The following TECPR2 variants were observed in gnomAD, a reference collection of about 807,000 sequenced individuals.
TECPR2 encodes tectonin beta-propeller repeat containing 2.
TECPR2 carries 65 observed loss-of-function variants against 138.1 expected under a neutral mutation model. The ratio of observed to expected loss-of-function variants is 0.47; its 90% CI spans 0.39 to 0.58. The LOEUF (loss-of-function observed/expected upper bound fraction) is 0.58. TECPR2 is among the 20% of genes least tolerant of loss of function. The pLI is 0.00. For synonymous variants in TECPR2, 746 were observed against 749.8 expected, an observed-to-expected ratio of 0.99 and a Z score of 0.08; for missense variants, 1,553 against 1,824.5, an observed-to-expected ratio of 0.85 and a Z score of 2.71.
At chr14:102,423,701 C>G (rs1889243111) in intron 5 of TECPR2, among the ~76,000 whole-genome samples, 1 of 152,178 alleles carries the variant, frequency 6.6e-6, no homozygotes, top group South Asian at 2.1e-4. Flanking sequence ...TCAAACATCC[C>G]TGTCACTAAG....
chr14:102,461,929 G>A (rs1397480591), intron 16 of TECPR2, among the ~76,000 whole-genome samples: 11 of 152,160 alleles, frequency 7.2e-5, no homozygotes, highest in African/African-American at 2.7e-4. Context: ...TCATCCAGGC[G>A]GCCTGGGTGA....
chr14:102,428,596 AC>A (rs1216086020), intron 7 of TECPR2, among the ~76,000 whole-genome samples: 8 of 151,910 alleles, frequency 5.3e-5, no homozygotes, highest in Admixed American at 5.2e-4. Context: ...CCCTGTCTCT[AC>A]CAAAAATACA....
intron 2 of TECPR2, among the ~76,000 whole-genome samples, chr14:102,387,523 A>C (rs1888041724): frequency 6.7e-6 from 1 of 149,840 alleles, no homozygotes; most frequent in African/African-American, 2.4e-5. Context: ...TTGCCTTCAG[A>C]GCTGTCTTTT....
intron 2 of TECPR2, among the ~76,000 whole-genome samples, chr14:102,406,163 G>A (rs1888653532): frequency 6.6e-6 from 1 of 152,178 alleles, no homozygotes; most frequent in Admixed American, 6.6e-5. Flanking sequence ...GATGATTGAA[G>A]AGCATTATGA....
intron 5 of TECPR2, among the ~76,000 whole-genome samples, chr14:102,416,309 C>G (rs982528157): frequency 6.6e-6 from 1 of 152,060 alleles, no homozygotes; most frequent in Non-Finnish European, 1.5e-5. Context: ...TTAGTAGAGA[C>G]AGGGTTTCAC....
chr14:102,431,567 C>T lies in TECPR2; in HGVS notation c.1085-229C>T, dbSNP rs568175951. 5.2e-3 allele frequency among the ~76,000 whole-genome samples: 798 copies of T among 152,246 alleles called. 3 individuals are homozygous for T. The highest frequency in any genetic ancestry group is 0.012 in the South Asian group (60 of 4,826). On this transcript the variant is annotated intron_variant, in intron 7 of 19. Transcript: ENST00000359520. ...CTGTGTTAGCCAGGATGGTCTTGAT[C>T]TCCTGACCTTGTGATCCGCCCGCCT...
chr14:102,495,823 CAGTT>C (rs1167272689), intron 17 of TECPR2, among the ~76,000 whole-genome samples: 1 of 152,214 alleles, frequency 6.6e-6, no homozygotes, highest in African/African-American at 2.4e-5. Context: ...CATCAGCCCA[CAGTT>C]AGGGGCCCCT....
At position 102,490,707 on chromosome 14, in the gene TECPR2, G is replaced by A. The variant is rs2139796638; in HGVS notation, c.3790-6272G>A. On this transcript the variant is annotated intron_variant, in intron 17 of 19. Coordinates refer to ENST00000359520, the MANE Select transcript of TECPR2 (RefSeq NM_014844.5). ...TTGCCAGTCCTTCAGCAGGCGCCATGGGCTCCTCCTCCAAACCTGTTCCAT... is the reference window on the plus strand; with the variant it reads ...TTGCCAGTCCTTCAGCAGGCGCCATAGGCTCCTCCTCCAAACCTGTTCCAT... Among the ~76,000 whole-genome samples the A allele has an allele frequency of 3.9e-5, 6 of 152,280 alleles. No individual in the cohort carries two copies. The Middle Eastern group carries it at 0.014, about 345-fold the overall frequency.
intron 2 of TECPR2, among the ~76,000 whole-genome samples, chr14:102,390,701 C>G (rs1196801677): frequency 6.6e-6 from 1 of 151,922 alleles, no homozygotes; most frequent in Non-Finnish European, 1.5e-5. Flanking sequence ...CTGTGGGACC[C>G]TTCCTGAGAT....
chr14:102,390,485 C>T (rs989624801), intron 2 of TECPR2, among the ~76,000 whole-genome samples: 5 of 152,040 alleles, frequency 3.3e-5, no homozygotes, highest in Admixed American at 1.3e-4. Context: ...GGCTCCCTGG[C>T]TAGAATAAGA....
intron 16 of TECPR2, among the ~76,000 whole-genome samples, chr14:102,456,117 G>T (rs925553906): frequency 6.6e-6 from 1 of 152,142 alleles, no homozygotes; most frequent in East Asian, 1.9e-4. Context: ...GAGGATGCAC[G>T]GGGCATCCCG....
intron 12 of TECPR2, among the ~76,000 whole-genome samples, chr14:102,445,220 A>T (rs1047823702): frequency 2.0e-5 from 3 of 152,224 alleles, no homozygotes; most frequent in African/African-American, 7.2e-5. Flanking sequence ...GGACTTCCCC[A>T]TATGGAAGGA....
At position 102,498,854 on chromosome 14, in the gene TECPR2, T is replaced by TG; in HGVS notation, c.*598dup. 1.6e-6 allele frequency: 1 copy of TG among 642,702 alleles called. No individual in the cohort carries two copies. The highest frequency in any genetic ancestry group is 2.9e-6 in the Non-Finnish European group (1 of 345,216). 39.8% of individuals were successfully genotyped at this position (642,702 alleles called of 1,614,324 possible). ...CATGCCAGGAGAGAACCCACGCACA[T>TG]GCACACCACAACACACAACACACCT... On this transcript the variant is annotated 3_prime_UTR_variant, in exon 20 of 20. Coordinates refer to ENST00000359520, the MANE Select transcript of TECPR2 (RefSeq NM_014844.5).
Position 102,478,057 on chromosome 14 carries a change from G to C in TECPR2, c.3789+12768G>C, listed in dbSNP as rs532492214. ...GAGCCACCGCACCCGGCCTGTTTTT[G>C]TTTTTTAGAGACAGAGTCTCACTCC... On this transcript the variant is annotated intron_variant, in intron 17 of 19. Coordinates refer to ENST00000359520, the MANE Select transcript of TECPR2 (RefSeq NM_014844.5). Among the ~76,000 whole-genome samples the C allele has an allele frequency of 6.1e-4, 90 of 147,768 alleles. 2 individuals are homozygous for C. Among genetic ancestry groups the C allele is most frequent in the African/African-American group, 2.2e-3 (87 of 40,256 alleles).
intron 5 of TECPR2, among the ~76,000 whole-genome samples, chr14:102,422,317 T>C (rs1023383135): frequency 2.6e-5 from 4 of 152,226 alleles, no homozygotes; most frequent in Non-Finnish European, 4.4e-5. Context: ...TCTTGGAAAC[T>C]GCGACATTAG....
chr14:102,367,835 A>AGTG (rs1359494835), intron 1 of TECPR2, among the ~76,000 whole-genome samples: 2 of 152,082 alleles, frequency 1.3e-5, no homozygotes, highest in Non-Finnish European at 1.5e-5. Flanking sequence ...TGGTGGCTGC[A>AGTG]CCATTTTATT....
At chr14:102,388,909 C>T (rs1270778842) in intron 2 of TECPR2, among the ~76,000 whole-genome samples, 14 of 147,368 alleles carry the variant, frequency 9.5e-5, no homozygotes, top group African/African-American at 1.8e-4. Flanking sequence ...TGCAGTGAGC[C>T]GAGATTGCGC....
In TECPR2 at chr14:102,443,851, T is replaced by C; in HGVS notation, c.2933+24T>C. ...AGGTACTGGCGGGCCAGAGACTCCTTTCACATCGTGCTTGTCCTACCCTTC... is the reference window on the plus strand; with the variant it reads ...AGGTACTGGCGGGCCAGAGACTCCTCTCACATCGTGCTTGTCCTACCCTTC... On this transcript the variant is annotated intron_variant, in intron 12 of 19. Transcript: ENST00000359520. This position sits in a 1 kb window ranked among gnomAD's most constrained non-coding sequence, Gnocchi z 4.9. 1 of 1,530,722 alleles carries C rather than the reference T, an allele frequency of 6.5e-7. No individual in the cohort carries two copies. Among genetic ancestry groups the C allele is most frequent in the Non-Finnish European group, 8.9e-7 (1 of 1,126,624 alleles). 94.8% of individuals were successfully genotyped at this position (1,530,722 alleles called of 1,614,324 possible). A position where few individuals can be genotyped will look rare whatever the true frequency, so the allele number is the denominator to read the frequency against.
At chr14:102,373,282 T>C (rs555358698) in intron 1 of TECPR2, among the ~76,000 whole-genome samples, 1 of 152,330 alleles carries the variant, frequency 6.6e-6, no homozygotes, top group East Asian at 1.9e-4. Flanking sequence ...TTACAGAGTT[T>C]CAACTTACTA....
Sources: allele counts gnomAD v4.1 joint callset (sites outside exome capture counted in the v4.1 genomes callset), GRCh38; gene constraint gnomAD v4.1.1; non-coding constraint Gnocchi (gnomAD v3.1); transcripts MANE v1.5; gene names NCBI Gene and HGNC (gene_info 2026-07-23, HGNC 2026-07-21).